RGS6: variants seen among roughly 807,000 people sequenced by gnomAD.
RGS6 encodes regulator of G-protein signaling 6.
In RGS6, 30 loss-of-function variants were observed where a neutral mutation model predicts 78.5. That is an observed-to-expected ratio of 0.38 (90% CI 0.29 to 0.52). The LOEUF (loss-of-function observed/expected upper bound fraction) is 0.52. RGS6 is among the 20% of genes least tolerant of loss of function. RGS6 has a pLI of 0.85. For synonymous variants in RGS6, 206 were observed against 206.0 expected (o/e 1.00, Z 0.00); for missense variants, 495 against 609.7 (o/e 0.81, Z 1.98).
chr14:72,277,223 G>T (rs1488884197), intron 2 of RGS6, among the ~76,000 whole-genome samples: 2 of 152,190 alleles, frequency 1.3e-5, no homozygotes, highest in African/African-American at 4.8e-5. Context: ...ATCAGAGGAG[G>T]CCTCTTTGTT....
At position 72,054,839 on chromosome 14, in the gene RGS6, CTG is replaced by C. The variant is rs544365535; in HGVS notation, c.84+89965_84+89966del. Reference sequence around the variant, plus strand: ...TAAGCAATACATTGTTTCATTTTGCCTGGCTTTGAACTTTATGAAGAGGTATC... The same window carrying C: ...TAAGCAATACATTGTTTCATTTTGCCGCTTTGAACTTTATGAAGAGGTATC... On this transcript the variant is annotated intron_variant, in intron 2 of 17. Transcript: ENST00000553525. 8.5e-3 allele frequency among the ~76,000 whole-genome samples: 1,291 copies of C among 152,246 alleles called. 20 individuals carry two copies. Among genetic ancestry groups the C allele is most frequent in the African/African-American group, 0.029 (1,215 of 41,538 alleles).
the RGS6 span, among the ~76,000 whole-genome samples, chr14:71,905,990 G>A: frequency 6.6e-6 from 1 of 152,188 alleles, no homozygotes; most frequent in Non-Finnish European, 1.5e-5. Flanking sequence ...AGGCACAGAA[G>A]CCAACTTTGA....
At chr14:72,381,828 T>A (rs1390713625) in intron 3 of RGS6, among the ~76,000 whole-genome samples, 4 of 152,066 alleles carry the variant, frequency 2.6e-5, no homozygotes, top group Non-Finnish European at 4.4e-5. Context: ...GAGGAGTTAA[T>A]AAGAACCCAA....
At chr14:72,213,494 T>TA (rs1302105856) in intron 2 of RGS6, among the ~76,000 whole-genome samples, 4 of 152,180 alleles carry the variant, frequency 2.6e-5, no homozygotes. Context: ...ACAAAATACT[T>TA]ACTAATTTGA....
At chr14:72,045,518 G>C (rs767858117) in intron 2 of RGS6, among the ~76,000 whole-genome samples, 3 of 152,164 alleles carry the variant, frequency 2.0e-5, no homozygotes, top group Non-Finnish European at 4.4e-5. Flanking sequence ...TCCTCAGATA[G>C]AGTTTGCATC....
At chr14:71,873,309 TC>T in the RGS6 span, among the ~76,000 whole-genome samples, 40 of 152,336 alleles carry the variant, frequency 2.6e-4, no homozygotes, top group African/African-American at 9.4e-4. Context: ...ACCTGTTGTT[TC>T]CTGACCTTTT....
chr14:72,041,964 A>C (rs2092443067), intron 2 of RGS6, among the ~76,000 whole-genome samples: 1 of 152,130 alleles, frequency 6.6e-6, no homozygotes, highest in Non-Finnish European at 1.5e-5. Flanking sequence ...TGATAGAACT[A>C]CTGCTAAATT....
At chr14:72,286,069 A>G (rs1463284967) in intron 2 of RGS6, among the ~76,000 whole-genome samples, 2 of 152,182 alleles carry the variant, frequency 1.3e-5, no homozygotes, top group African/African-American at 2.4e-5. Flanking sequence ...TTGGTGTCAC[A>G]TCCAAGAAAT....
At chr14:72,037,571 G>A (rs1258536154) in intron 2 of RGS6, among the ~76,000 whole-genome samples, 1 of 152,184 alleles carries the variant, frequency 6.6e-6, no homozygotes, top group African/African-American at 2.4e-5. Flanking sequence ...GACACAGTAT[G>A]AGATTTAGGT....
In RGS6 at chr14:72,042,722, A is replaced by G. The variant is rs1006602383; in HGVS notation, c.84+77847A>G. 6.6e-5 allele frequency among the ~76,000 whole-genome samples: 10 copies of G among 152,222 alleles called. No homozygotes were observed. The East Asian group carries it at 1.2e-3, about 18-fold the overall frequency. The stretch of plus-strand genomic sequence containing the variant: ...TCCTAATAATATATTGCTGTAATAT[A>G]CCTCATTTGACCATGTAACCATATC... On this transcript the variant is annotated intron_variant, in intron 2 of 17. Coordinates refer to ENST00000553525, the MANE Select transcript of RGS6 (RefSeq NM_001204424.2).
intron 3 of RGS6, among the ~76,000 whole-genome samples, chr14:72,410,144 C>A (rs1377317883): frequency 1.3e-5 from 2 of 152,242 alleles, no homozygotes; most frequent in Admixed American, 6.5e-5. Context: ...GCCACACCAA[C>A]TTCCACAATG....
At chr14:72,326,357 A>C (rs2073763592) in intron 2 of RGS6, among the ~76,000 whole-genome samples, 1 of 152,204 alleles carries the variant, frequency 6.6e-6, no homozygotes, top group South Asian at 2.1e-4. Context: ...CTGAAAGTAT[A>C]CTGATAGAGT....
chr14:72,590,737 G>C, the RGS6 span, among the ~76,000 whole-genome samples: 1 of 152,218 alleles, frequency 6.6e-6, no homozygotes, highest in Non-Finnish European at 1.5e-5. Flanking sequence ...CCTATAATGA[G>C]AGCAGGAAGT....
intron 2 of RGS6, among the ~76,000 whole-genome samples, chr14:72,291,236 A>G (rs888132881): frequency 6.6e-6 from 1 of 151,966 alleles, no homozygotes; most frequent in Admixed American, 6.6e-5. Context: ...TGAGCTTCAT[A>G]GGCAAGCCAC....
chr14:71,982,004 G>T (rs942722987), intron 2 of RGS6, among the ~76,000 whole-genome samples: 17 of 152,184 alleles, frequency 1.1e-4, no homozygotes, highest in Non-Finnish European at 2.4e-4. Flanking sequence ...CGTTTTTTAA[G>T]CCCGTCGGAA....
Position 72,110,916 on chromosome 14 carries a change from T to G in RGS6, c.84+146041T>G, listed in dbSNP as rs148737097. On this transcript the variant is annotated intron_variant, in intron 2 of 17. Coordinates refer to ENST00000553525, the MANE Select transcript of RGS6 (RefSeq NM_001204424.2). The stretch of plus-strand genomic sequence containing the variant: ...CTAGCAGCCTCTGACCTTGCTCTCC[T>G]TGCCTCACTCTGATCCCTCTAGAAT... Among the ~76,000 whole-genome samples the G allele has an allele frequency of 5.9e-3, 899 of 152,252 alleles. 11 individuals are homozygous for G. Among genetic ancestry groups the G allele is most frequent in the African/African-American group, 0.02 (848 of 41,558 alleles).
chr14:72,271,128 ATTG>A (rs1369676102), intron 2 of RGS6, among the ~76,000 whole-genome samples: 2 of 152,142 alleles, frequency 1.3e-5, no homozygotes, highest in Non-Finnish European at 2.9e-5. Context: ...CCTCATTAAT[ATTG>A]TTCCTCTCGT....
In RGS6 at chr14:72,454,423, A is replaced by C. The variant is rs1394105341; in HGVS notation, c.185-105A>C. On this transcript the variant is annotated intron_variant, in intron 3 of 17. Transcript: ENST00000553525. ...AAGTGCCCATATTATCCTGCTCTACAGTGTGGACTGTTTGGAATTAGGATT... is the reference window on the plus strand; with the variant it reads ...AAGTGCCCATATTATCCTGCTCTACCGTGTGGACTGTTTGGAATTAGGATT... The C allele has an allele frequency of 2.5e-5, 29 of 1,163,014 alleles. 1 individual carries two copies. In the South Asian group the frequency reaches 3.3e-4, roughly 13 times the overall value. 72.0% of individuals were successfully genotyped at this position (1,163,014 alleles called of 1,614,324 possible).
intron 2 of RGS6, among the ~76,000 whole-genome samples, chr14:72,204,008 T>A (rs1029941441): frequency 1.3e-5 from 2 of 151,726 alleles, no homozygotes; most frequent in Non-Finnish European, 2.9e-5. Context: ...GTATTTTTAG[T>A]AGACGGGGTT....
Sources: allele counts gnomAD v4.1 joint callset (sites outside exome capture counted in the v4.1 genomes callset), GRCh38; gene constraint gnomAD v4.1.1; transcripts MANE v1.5; gene names NCBI Gene and HGNC (gene_info 2026-07-23, HGNC 2026-07-21).